The following PTPRN2 variants were observed in gnomAD, a reference collection of about 807,000 sequenced individuals.
The protein encoded by PTPRN2 is receptor-type tyrosine-protein phosphatase N2.
Under a neutral mutation model 118.8 loss-of-function variants are expected in PTPRN2, and 74 were observed. The observed-to-expected ratio is 0.62, with a 90% confidence interval of 0.52 to 0.76. PTPRN2 has a LOEUF of 0.76. Ranked by LOEUF, PTPRN2 falls within the 30% of genes least tolerant of loss-of-function variation. PTPRN2 has a pLI of 0.00. For synonymous variants in PTPRN2, 641 were observed against 608.0 expected (o/e 1.05, Z -0.80); for missense variants, 1,481 against 1,394.4 (o/e 1.06, Z -0.99).
intron 3 of PTPRN2, among the ~76,000 whole-genome samples, chr7:158,252,319 G>A (rs1796737192): frequency 6.6e-6 from 1 of 152,168 alleles, no homozygotes; most frequent in African/African-American, 2.4e-5. Flanking sequence ...TTACTTGGAG[G>A]AAAAATGGAA....
chr7:157,835,183 T>C (rs973541336), intron 12 of PTPRN2, among the ~76,000 whole-genome samples: 3 of 152,108 alleles, frequency 2.0e-5, no homozygotes, highest in African/African-American at 7.2e-5. Flanking sequence ...CAGGAGGATT[T>C]CCTAAGGTGG....
At chr7:157,946,905 G>T (rs979280449) in intron 11 of PTPRN2, among the ~76,000 whole-genome samples, 5 of 152,222 alleles carry the variant, frequency 3.3e-5, no homozygotes, top group Non-Finnish European at 5.9e-5. Flanking sequence ...GAGGCATGTG[G>T]GATGTGCCTT....
At chr7:157,783,653 A>G (rs1803824510) in intron 12 of PTPRN2, among the ~76,000 whole-genome samples, 1 of 151,710 alleles carries the variant, frequency 6.6e-6, no homozygotes, top group Non-Finnish European at 1.5e-5. Flanking sequence ...AGATTCCAGG[A>G]GCCCTCTTGA....
At chr7:158,011,557 T>TA (rs1328155960) in intron 11 of PTPRN2, among the ~76,000 whole-genome samples, 1 of 152,174 alleles carries the variant, frequency 6.6e-6, no homozygotes. Context: ...ATTAAGAACA[T>TA]ATCATGATGC....
chr7:157,830,193 C>G (rs1807468455), intron 12 of PTPRN2, among the ~76,000 whole-genome samples: 2 of 151,996 alleles, frequency 1.3e-5, no homozygotes. Flanking sequence ...AGCTGAGCAC[C>G]CCCAGGGGCA....
intron 11 of PTPRN2, among the ~76,000 whole-genome samples, chr7:157,955,752 C>T (rs149142801): frequency 0.011 from 1,600 of 152,292 alleles, 18 homozygotes; most frequent in Non-Finnish European, 0.017. Flanking sequence ...GGACACCCTG[C>T]GGGGTTTGCC....
chr7:157,846,531 G>A (rs1808814921), intron 12 of PTPRN2, among the ~76,000 whole-genome samples: 1 of 152,072 alleles, frequency 6.6e-6, no homozygotes, highest in African/African-American at 2.4e-5. Context: ...AGGGGGAACA[G>A]GCACCAGTTT....
intron 21 of PTPRN2, among the ~76,000 whole-genome samples, chr7:157,549,788 C>G (rs983208801): frequency 1.3e-5 from 2 of 152,204 alleles, no homozygotes; most frequent in Non-Finnish European, 2.9e-5. Context: ...AGACAGGACA[C>G]AGCCGCCAGG....
rs1260042647 is a variant in PTPRN2, at chr7:157,953,823, A to G, written c.1724-55086T>C. Among the ~76,000 whole-genome samples, 7 of 152,180 alleles carry G rather than the reference A, an allele frequency of 4.6e-5. No individual in the cohort carries two copies. The highest frequency in any genetic ancestry group is 1.9e-4 in the East Asian group (1 of 5,188). On this transcript the variant is annotated intron_variant, in intron 11 of 22. Transcript: ENST00000389418. This position sits in a 1 kb window ranked among gnomAD's most constrained non-coding sequence, Gnocchi z 4.6. Reference sequence around the variant, plus strand: ...GGGCGACCGAGAAAGGAATGAGGGCATAAGAGCGGTGCTGGAGAAATGTAA... The same window carrying G: ...GGGCGACCGAGAAAGGAATGAGGGCGTAAGAGCGGTGCTGGAGAAATGTAA...
At chr7:157,848,319 A>T (rs1377657540) in intron 12 of PTPRN2, among the ~76,000 whole-genome samples, 1 of 150,206 alleles carries the variant, frequency 6.7e-6, no homozygotes, top group Admixed American at 6.6e-5. Flanking sequence ...ATGTTTACAG[A>T]GCCCTCTCTC....
chr7:157,674,565 A>G lies in PTPRN2; in HGVS notation c.2001+8160T>C, dbSNP rs1650462947. 6.6e-6 allele frequency among the ~76,000 whole-genome samples: 1 copy of G among 152,144 alleles called. No individual in the cohort carries two copies. The highest frequency in any genetic ancestry group is 2.1e-4 in the South Asian group (1 of 4,830). Reference sequence around the variant, plus strand: ...TTATGCCGGTGTACGTGTTGTGTTAAGAGCTGGGCTTTGCCATTTTTGACA... The same window carrying G: ...TTATGCCGGTGTACGTGTTGTGTTAGGAGCTGGGCTTTGCCATTTTTGACA... On this transcript the variant is annotated intron_variant, in intron 13 of 22. Transcript: ENST00000389418. The surrounding 1 kb of genome is among the most constrained non-coding windows in gnomAD (Gnocchi z 4.5).
chr7:158,329,412 C>A (rs919407347), intron 2 of PTPRN2, among the ~76,000 whole-genome samples: 1 of 152,188 alleles, frequency 6.6e-6, no homozygotes, highest in Admixed American at 6.5e-5. Context: ...GGCTGTGTGC[C>A]GAAACCAGCC....
chr7:158,490,161 G>A (rs573859955), intron 1 of PTPRN2, among the ~76,000 whole-genome samples: 44 of 152,316 alleles, frequency 2.9e-4, no homozygotes, highest in African/African-American at 9.9e-4. Context: ...CTCACCGCAC[G>A]CACCGCGTCC....
chr7:158,379,261 T>C (rs949169799), intron 2 of PTPRN2, among the ~76,000 whole-genome samples: 3 of 152,046 alleles, frequency 2.0e-5, no homozygotes, highest in African/African-American at 7.2e-5. Flanking sequence ...GTGACTGGGG[T>C]TGGCAGGAGG....
chr7:157,753,617 C>G (rs1350781219), intron 12 of PTPRN2, among the ~76,000 whole-genome samples: 1 of 151,992 alleles, frequency 6.6e-6, no homozygotes, highest in African/African-American at 2.4e-5. Flanking sequence ...GCTCCGTTCT[C>G]TACCACGTGC....
chr7:158,297,542 A>G (rs1800588738), intron 3 of PTPRN2, among the ~76,000 whole-genome samples: 1 of 152,228 alleles, frequency 6.6e-6, no homozygotes, highest in Non-Finnish European at 1.5e-5. Context: ...GTCTTCACGT[A>G]CAGCCCTCAT....
At chr7:158,334,785 T>TA (rs1314429798) in intron 2 of PTPRN2, among the ~76,000 whole-genome samples, 3 of 40,848 alleles carry the variant, frequency 7.3e-5, no homozygotes, top group Admixed American at 3.1e-4. Flanking sequence ...ACTCTCACCA[T>TA]AGAGCTGACG....
intron 11 of PTPRN2, among the ~76,000 whole-genome samples, chr7:157,938,955 A>G (rs896275919): frequency 5.9e-5 from 9 of 152,188 alleles, no homozygotes; most frequent in Non-Finnish European, 1.3e-4. Context: ...CTTCTTGTCC[A>G]TGATCCACAC....
At chr7:157,762,357 A>G (rs537128031) in intron 12 of PTPRN2, among the ~76,000 whole-genome samples, 1 of 152,294 alleles carries the variant, frequency 6.6e-6, no homozygotes, top group East Asian at 1.9e-4. Flanking sequence ...ATGTCCAACA[A>G]TAATAGACTG....
Sources: allele counts gnomAD v4.1 joint callset (sites outside exome capture counted in the v4.1 genomes callset), GRCh38; gene constraint gnomAD v4.1.1; non-coding constraint Gnocchi (gnomAD v3.1); transcripts MANE v1.5; gene names NCBI Gene and HGNC (gene_info 2026-07-23, HGNC 2026-07-21).